Variants in PIK3CB observed in about 807,000 individuals in gnomAD.
PIK3CB encodes phosphatidylinositol 4,5-bisphosphate 3-kinase catalytic subunit beta isoform.
In PIK3CB, 39 loss-of-function variants were observed where a neutral mutation model predicts 136.8. The ratio of observed to expected loss-of-function variants is 0.29; its 90% CI spans 0.22 to 0.37. The LOEUF is 0.37. Ranked by LOEUF, PIK3CB falls within the 10% of genes least tolerant of loss-of-function variation. The probability of loss-of-function intolerance (pLI) is 1.00; values close to 1 mark genes in which losing one functional copy is unlikely to be tolerated. For missense variants in PIK3CB, 868 were observed against 1,275.4 expected (o/e 0.68, Z 4.87); for synonymous variants, 428 against 436.6 (o/e 0.98, Z 0.25).
At chr3:138,662,867 G>C (rs1178999628) in intron 21 of PIK3CB, among the ~76,000 whole-genome samples, 2 of 152,182 alleles carry the variant, frequency 1.3e-5, no homozygotes, top group Non-Finnish European at 2.9e-5. Context: ...GGCCAGTGAT[G>C]ATGAGCATTT....
chr3:138,829,065 G>A (rs1029403740), intron 1 of PIK3CB, among the ~76,000 whole-genome samples: 2 of 150,808 alleles, frequency 1.3e-5, no homozygotes, highest in Non-Finnish European at 2.9e-5. Context: ...GCCTCCCAAA[G>A]TTCTGGGATT....
chr3:138,777,492 G>C (rs908206593), intron 2 of PIK3CB, among the ~76,000 whole-genome samples: 10 of 152,178 alleles, frequency 6.6e-5, no homozygotes, highest in African/African-American at 2.4e-4. Context: ...AAACTTCTGA[G>C]TGAAGAAGCC....
intron 18 of PIK3CB, among the ~76,000 whole-genome samples, chr3:138,683,427 G>C (rs749922241): frequency 4.6e-5 from 7 of 151,188 alleles, no homozygotes; most frequent in African/African-American, 1.2e-4. Flanking sequence ...GGCGCGTTTT[G>C]TATTTTGTAG....
chr3:138,656,184 C>T lies in PIK3CB; in HGVS notation c.3033G>A (p.Gly1011=), dbSNP rs372471391. The T allele has an allele frequency of 1.2e-6, 2 of 1,613,954 alleles. No homozygotes were observed. Among genetic ancestry groups the T allele is most frequent in the African/African-American group, 2.7e-5 (2 of 74,928 alleles). ...CTTTGACTGATGTGAGTTCAGGAAG[C>T]CCTGCAGTCAACATCAGCGCAAAGA... The part of the protein sequence containing the change: ...ITLFALMLTA[G]LPELTSVKDI... The change falls in exon 23 of 24, where the codon GGG becomes GGA. Residue 1011 remains glycine, a synonymous_variant. Transcript: ENST00000674063.
intron 18 of PIK3CB, among the ~76,000 whole-genome samples, chr3:138,682,277 A>G (rs1216990182): frequency 1.3e-5 from 2 of 152,228 alleles, no homozygotes; most frequent in Non-Finnish European, 2.9e-5. Context: ...GTTACATCCT[A>G]TTGAATATAA....
intron 1 of PIK3CB, among the ~76,000 whole-genome samples, chr3:138,815,843 C>T (rs1933301472): frequency 6.6e-6 from 1 of 152,144 alleles, no homozygotes; most frequent in Non-Finnish European, 1.5e-5. Flanking sequence ...TTCACAGATA[C>T]CAAGGGATAA....
chr3:138,738,474 T>TA (rs1238124081), intron 5 of PIK3CB, among the ~76,000 whole-genome samples: 3 of 152,136 alleles, frequency 2.0e-5, no homozygotes, highest in Non-Finnish European at 4.4e-5. Flanking sequence ...CCCGGCCACA[T>TA]ACTGCAGCTA....
At chr3:138,661,664 CATTCATGTATTA>C (rs1380190470) in intron 21 of PIK3CB, among the ~76,000 whole-genome samples, 1 of 152,224 alleles carries the variant, frequency 6.6e-6, no homozygotes, top group Non-Finnish European at 1.5e-5. Context: ...GTACATGGTG[CATTCATGTATTA>C]TAGTGCATTA....
At chr3:138,697,981 C>T (rs1462563419) in intron 13 of PIK3CB, among the ~76,000 whole-genome samples, 3 of 152,274 alleles carry the variant, frequency 2.0e-5, no homozygotes, top group Non-Finnish European at 2.9e-5. Context: ...GATCCACCTG[C>T]CTTGGCCTCC....
At position 138,738,463 on chromosome 3, in the gene PIK3CB, G is replaced by A. The variant is rs1288208895; in HGVS notation, c.622-577C>T. On this transcript the variant is annotated intron_variant, in intron 5 of 23. Coordinates refer to ENST00000674063, the MANE Select transcript of PIK3CB (RefSeq NM_006219.3). ...TGGGATTACAGGCACGAGCCACCAT[G>A]CCCGGCCACATACTGCAGCTATATT... Among the ~76,000 whole-genome samples the A allele has an allele frequency of 2.0e-5, 3 of 152,094 alleles. No individual in the cohort carries two copies. In the South Asian group the frequency reaches 6.2e-4, roughly 32 times the overall value.
intron 10 of PIK3CB, among the ~76,000 whole-genome samples, chr3:138,711,599 AAAAG>A (rs1301026974): frequency 2.6e-5 from 4 of 151,582 alleles, no homozygotes; most frequent in Admixed American, 6.6e-5. Flanking sequence ...AAAAAAAAAA[AAAAG>A]AAGTTTAGTC....
At chr3:138,704,108 CT>C (rs1268956364) in intron 12 of PIK3CB, among the ~76,000 whole-genome samples, 1 of 152,192 alleles carries the variant, frequency 6.6e-6, no homozygotes, top group African/African-American at 2.4e-5. Flanking sequence ...ATTACTAAAT[CT>C]GCTTTGTTAC....
chr3:138,737,121 G>A (rs1465422860), intron 6 of PIK3CB, among the ~76,000 whole-genome samples: 1 of 151,988 alleles, frequency 6.6e-6, no homozygotes, highest in African/African-American at 2.4e-5. Flanking sequence ...GGGCACAGTG[G>A]CTTATGGCTG....
At chr3:138,822,758 C>T (rs1933613330) in intron 1 of PIK3CB, among the ~76,000 whole-genome samples, 1 of 150,294 alleles carries the variant, frequency 6.7e-6, no homozygotes, top group African/African-American at 2.4e-5. Context: ...GGAGAATCGG[C>T]TTGAACTCAG....
At chr3:138,702,243 T>TC (rs1436329130) in intron 12 of PIK3CB, among the ~76,000 whole-genome samples, 2 of 143,814 alleles carry the variant, frequency 1.4e-5, no homozygotes, top group African/African-American at 5.0e-5. Flanking sequence ...AGTTAATACT[T>TC]TTTTTTTTTT....
intron 11 of PIK3CB, 115 bp from the exon 12 acceptor site, chr3:138,704,608 A>G: frequency 1.4e-6 from 1 of 714,956 alleles, no homozygotes; most frequent in Non-Finnish European, 2.5e-6. Flanking sequence ...TATGCTTTGT[A>G]ACAGAAACAT....
chr3:138,782,372 G>C (rs905487374), intron 2 of PIK3CB, among the ~76,000 whole-genome samples: 99 of 152,336 alleles, frequency 6.5e-4, no homozygotes, highest in African/African-American at 2.2e-3. Flanking sequence ...ATGAAGAAAC[G>C]ATGGAAACAC....
chr3:138,829,088 C>T (rs1348394612), intron 1 of PIK3CB, among the ~76,000 whole-genome samples: 3 of 151,806 alleles, frequency 2.0e-5, no homozygotes, highest in Non-Finnish European at 4.4e-5. Context: ...AAGCGTGAGC[C>T]TCCGTGTCCG....
intron 4 of PIK3CB, among the ~76,000 whole-genome samples, chr3:138,748,465 A>G (rs932443494): frequency 2.6e-5 from 4 of 152,146 alleles, no homozygotes; most frequent in Non-Finnish European, 5.9e-5. Flanking sequence ...CTCTGCATAA[A>G]TAGTCTCTGT....
Sources: allele counts gnomAD v4.1 joint callset (sites outside exome capture counted in the v4.1 genomes callset), GRCh38; gene constraint gnomAD v4.1.1; transcripts MANE v1.5; gene names NCBI Gene and HGNC (gene_info 2026-07-23, HGNC 2026-07-21).